EPB41: variants seen among roughly 807,000 people sequenced by gnomAD.
The protein encoded by EPB41 is protein 4.1.
In EPB41, 65 loss-of-function variants were observed where a neutral mutation model predicts 108.0. The ratio of observed to expected loss-of-function variants is 0.60; its 90% CI spans 0.49 to 0.74. EPB41 has a LOEUF of 0.74. Ranked by LOEUF, EPB41 falls within the 30% of genes least tolerant of loss-of-function variation. EPB41 has a pLI of 0.00. For missense variants in EPB41, 875 were observed against 1,037.0 expected, an observed-to-expected ratio of 0.84 and a Z score of 2.15; for synonymous variants, 336 against 358.9, an observed-to-expected ratio of 0.94 and a Z score of 0.72.
chr1:29,083,205 C>T (rs371184235), intron 16 of EPB41, among the ~76,000 whole-genome samples: 1 of 149,950 alleles, frequency 6.7e-6, no homozygotes, highest in East Asian at 2.0e-4. Context: ...GAGGGTACAT[C>T]CAAGAGAGAA....
At chr1:28,932,820 G>A (rs752268156) in intron 1 of EPB41, among the ~76,000 whole-genome samples, 5 of 152,060 alleles carry the variant, frequency 3.3e-5, no homozygotes, top group Admixed American at 1.3e-4. Context: ...AATATTATTC[G>A]TTGTTTTATT....
chr1:28,955,033 T>C (rs922729123), intron 1 of EPB41, among the ~76,000 whole-genome samples: 1 of 152,230 alleles, frequency 6.6e-6, no homozygotes, highest in African/African-American at 2.4e-5. Flanking sequence ...CATTATTCAG[T>C]CTACAAGCAG....
chr1:28,916,793 C>A (rs2092706003), intron 1 of EPB41, among the ~76,000 whole-genome samples: 2 of 151,702 alleles, frequency 1.3e-5, no homozygotes, highest in South Asian at 4.2e-4. Flanking sequence ...ATTCTCCCAA[C>A]AATTTTTTTT....
At chr1:28,918,306 C>T (rs2092830441) in intron 1 of EPB41, among the ~76,000 whole-genome samples, 2 of 152,124 alleles carry the variant, frequency 1.3e-5, no homozygotes, top group Admixed American at 1.3e-4. Flanking sequence ...CCCACGTCCG[C>T]CTCCCAAAGT....
At chr1:28,926,046 C>T (rs912691501) in intron 1 of EPB41, among the ~76,000 whole-genome samples, 1 of 114,424 alleles carries the variant, frequency 8.7e-6, no homozygotes, top group African/African-American at 4.7e-5. Context: ...AGACCCTTGT[C>T]TCAAAAAAAA....
At chr1:29,088,959 T>C (rs1660240188) in intron 16 of EPB41, among the ~76,000 whole-genome samples, 11 of 152,100 alleles carry the variant, frequency 7.2e-5, no homozygotes, top group Admixed American at 7.2e-4. Context: ...AATAAATATA[T>C]ACATAAGTAA....
In EPB41 at chr1:29,119,476, C is replaced by G. The variant is rs1374624596; in HGVS notation, c.*2664C>G. On this transcript the variant is annotated 3_prime_UTR_variant, in exon 21 of 21. Transcript: ENST00000343067. ...TAATTTGAGAAATAAAGATTTCCTC[C>G]AAGCCACATGAGGACTCTGGCACCC... The G allele has an allele frequency of 6.6e-6, 1 of 152,332 alleles. No homozygotes were observed. The highest frequency in any genetic ancestry group is 1.5e-5 in the Non-Finnish European group (1 of 68,048). 9.4% of individuals were successfully genotyped at this position (152,332 alleles called of 1,614,324 possible). A position where few individuals can be genotyped will look rare whatever the true frequency, so the allele number is the denominator to read the frequency against.
At chr1:28,986,651 C>T (rs1260631373) in intron 1 of EPB41, among the ~76,000 whole-genome samples, 1 of 151,996 alleles carries the variant, frequency 6.6e-6, no homozygotes, top group Non-Finnish European at 1.5e-5. Flanking sequence ...TACCTCTGGC[C>T]GGGTGCGGTA....
At chr1:28,892,955 C>G (rs1027254670) in intron 1 of EPB41, among the ~76,000 whole-genome samples, 1 of 151,890 alleles carries the variant, frequency 6.6e-6, no homozygotes, top group African/African-American at 2.4e-5. Context: ...AGGCACCCAC[C>G]ACCATGCCAG....
intron 1 of EPB41, among the ~76,000 whole-genome samples, chr1:28,892,066 C>A (rs957800547): frequency 4.3e-5 from 5 of 115,522 alleles, no homozygotes; most frequent in Admixed American, 1.3e-4. Flanking sequence ...GCACTCCAGC[C>A]TGGGCAATAA....
chr1:29,004,840 G>A (rs1043766874), intron 4 of EPB41, among the ~76,000 whole-genome samples: 3 of 152,142 alleles, frequency 2.0e-5, no homozygotes, highest in African/African-American at 7.2e-5. Context: ...GCATAAATAA[G>A]GTTATTCCTT....
intron 17 of EPB41, among the ~76,000 whole-genome samples, chr1:29,108,329 G>A (rs1019491605): frequency 6.6e-6 from 1 of 151,184 alleles, no homozygotes; most frequent in African/African-American, 2.4e-5. Flanking sequence ...TGTATTTTTA[G>A]TAGAGATGGG....
intron 1 of EPB41, among the ~76,000 whole-genome samples, chr1:28,983,047 A>G (rs1362080601): frequency 6.6e-6 from 1 of 152,158 alleles, no homozygotes; most frequent in African/African-American, 2.4e-5. Flanking sequence ...TGTCCTAATC[A>G]TTACTTCCTA....
At chr1:29,033,045 A>T in intron 8 of EPB41, 48 bp from the exon 9 acceptor site, 1 of 1,573,842 alleles carries the variant, frequency 6.4e-7, no homozygotes, top group East Asian at 2.2e-5. Flanking sequence ...TCAACAGTGT[A>T]TTGAGTACTT....
intron 16 of EPB41, among the ~76,000 whole-genome samples, chr1:29,093,703 G>A (rs966664875): frequency 2.6e-5 from 4 of 152,200 alleles, no homozygotes; most frequent in South Asian, 2.1e-4. Context: ...TCAGGAGATC[G>A]AGACCAGCCT....
At chr1:29,036,322 C>T (rs768843817) in intron 10 of EPB41, among the ~76,000 whole-genome samples, 7 of 143,468 alleles carry the variant, frequency 4.9e-5, no homozygotes, top group Non-Finnish European at 1.1e-4. Context: ...TGCCGTGGCG[C>T]GATCTCGGCT....
intron 13 of EPB41, 27 bp downstream of exon 13, chr1:29,058,672 T>A (rs373721942): frequency 6.2e-7 from 1 of 1,608,870 alleles, no homozygotes. Flanking sequence ...CACTTGTTCC[T>A]CTTTCCCTCC....
chr1:28,988,528 T>A (rs1277512939), intron 2 of EPB41, among the ~76,000 whole-genome samples: 1 of 151,814 alleles, frequency 6.6e-6, no homozygotes, highest in Non-Finnish European at 1.5e-5. Flanking sequence ...CCCAGCTAAT[T>A]TTTGTATTTT....
rs1429245700 is a variant in EPB41 at position 28,982,408 on chromosome 1, A to G, written c.-7-5023A>G. 9 of 744,752 alleles carry G rather than the reference A, an allele frequency of 1.2e-5. No individual in the cohort carries two copies. The East Asian group carries it at 2.1e-4, about 17-fold the overall frequency. 46.1% of individuals were successfully genotyped at this position (744,752 alleles called of 1,614,324 possible). On this transcript the variant is annotated intron_variant, in intron 1 of 20. Coordinates refer to ENST00000343067, the MANE Select transcript of EPB41 (RefSeq NM_001376013.1). ...GTTACAAACTTTCGCAAAAGACTTG[A>G]TCTTTGACCCCTTGGTGATCTTCTT...
Sources: allele counts gnomAD v4.1 joint callset (sites outside exome capture counted in the v4.1 genomes callset), GRCh38; gene constraint gnomAD v4.1.1; transcripts MANE v1.5; gene names NCBI Gene and HGNC (gene_info 2026-07-23, HGNC 2026-07-21).